SLC28A3: variants seen among roughly 807,000 people sequenced by gnomAD.
SLC28A3 encodes the protein concentrative Na(+)-nucleoside cotransporter 3.
A neutral mutation model predicts 84.2 loss-of-function variants in SLC28A3; 68 were observed. That is an observed-to-expected ratio of 0.81 (90% confidence interval 0.66 to 0.99). SLC28A3 has a LOEUF of 0.99. Among genes scored for constraint, SLC28A3 ranks in the 50% least tolerant of loss-of-function variants. SLC28A3 has a pLI of 0.00. For missense variants in SLC28A3, 712 were observed against 841.5 expected (o/e 0.85, Z 1.90); for synonymous variants, 267 against 303.6 (o/e 0.88, Z 1.25).
At chr9:84,292,443 CTG>C (rs71954586) in intron 10 of SLC28A3, among the ~76,000 whole-genome samples, 15,639 of 150,422 alleles carry the variant, frequency 0.1, 905 homozygotes, top group African/African-American at 0.16. Flanking sequence ...GAATTTCTCT[CTG>C]TGTCTCTCTG....
chr9:84,278,910 A>G (rs543142754), intron 17 of SLC28A3, among the ~76,000 whole-genome samples: 1 of 151,800 alleles, frequency 6.6e-6, no homozygotes, highest in East Asian at 1.9e-4. Context: ...TGCCCAACTT[A>G]TACAGTAGTT....
At chr9:84,314,129 A>G (rs1241028817) in intron 1 of SLC28A3, among the ~76,000 whole-genome samples, 1 of 152,018 alleles carries the variant, frequency 6.6e-6, no homozygotes, top group East Asian at 1.9e-4. Flanking sequence ...TTATTCTTAG[A>G]TGTTAGATTT....
chr9:84,360,089 C>T, the SLC28A3 span, among the ~76,000 whole-genome samples: 2 of 151,196 alleles, frequency 1.3e-5, no homozygotes, highest in African/African-American at 2.4e-5. Context: ...TGGGAAGGAA[C>T]CTTGAACCTG....
chr9:84,366,108 A>G, the SLC28A3 span, among the ~76,000 whole-genome samples: 10 of 151,946 alleles, frequency 6.6e-5, no homozygotes, highest in Non-Finnish European at 1.0e-4. Flanking sequence ...CTGTAAACTG[A>G]CTGTATTTTC....
chr9:84,355,973 C>T, the SLC28A3 span, among the ~76,000 whole-genome samples: 1 of 151,988 alleles, frequency 6.6e-6, no homozygotes, highest in Non-Finnish European at 1.5e-5. Context: ...CCCCACCACA[C>T]CCAGCTAATT....
chr9:84,278,489 C>T (rs1230203082), intron 17 of SLC28A3, 145 bp from the exon 18 acceptor site: 2 of 1,032,912 alleles, frequency 1.9e-6, no homozygotes, highest in Non-Finnish European at 1.4e-6. Flanking sequence ...AGGACAGAGA[C>T]ACTGGGGAAT....
At chr9:84,331,657 A>T (rs566432140) in intron 1 of SLC28A3, among the ~76,000 whole-genome samples, 11 of 152,310 alleles carry the variant, frequency 7.2e-5, no homozygotes, top group African/African-American at 2.4e-4. Flanking sequence ...ACTTCAGAGC[A>T]AGCTTGGGTT....
intron 8 of SLC28A3, among the ~76,000 whole-genome samples, chr9:84,295,312 C>T (rs1463187111): frequency 1.3e-5 from 2 of 152,152 alleles, no homozygotes; most frequent in South Asian, 2.1e-4. Context: ...CAGCTGGGCT[C>T]GGTGGCTCAC....
chr9:84,354,324 AG>A, the SLC28A3 span, among the ~76,000 whole-genome samples: 1 of 152,244 alleles, frequency 6.6e-6, no homozygotes, highest in South Asian at 2.1e-4. Context: ...GGCAATGCAG[AG>A]GGTAGGTATC....
At chr9:84,303,151 T>C (rs1455071041) in intron 4 of SLC28A3, among the ~76,000 whole-genome samples, 1 of 152,162 alleles carries the variant, frequency 6.6e-6, no homozygotes, top group African/African-American at 2.4e-5. Context: ...CATGACAGGA[T>C]GGGAGGTCAG....
At chr9:84,367,464 A>G in the SLC28A3 span, among the ~76,000 whole-genome samples, 5 of 152,278 alleles carry the variant, frequency 3.3e-5, no homozygotes, top group Middle Eastern at 3.4e-3. Context: ...CTGCCCCTCC[A>G]CACCTGTGGG....
At chr9:84,328,453 T>C (rs888551227) in intron 1 of SLC28A3, among the ~76,000 whole-genome samples, 4 of 151,730 alleles carry the variant, frequency 2.6e-5, no homozygotes, top group African/African-American at 9.7e-5. Context: ...TGAAACCCTA[T>C]CTCTATAAGA....
chr9:84,355,176 A>G, the SLC28A3 span, among the ~76,000 whole-genome samples: 1 of 152,062 alleles, frequency 6.6e-6, no homozygotes, highest in African/African-American at 2.4e-5. Flanking sequence ...CCACAGGGGA[A>G]ACAGTAAAAC....
the SLC28A3 span, among the ~76,000 whole-genome samples, chr9:84,348,667 G>A: frequency 2.6e-5 from 4 of 152,180 alleles, no homozygotes; most frequent in Non-Finnish European, 5.9e-5. Context: ...ATCTTTAAGA[G>A]GTGATTAGGT....
At chr9:84,331,483 A>G (rs150740220) in intron 1 of SLC28A3, among the ~76,000 whole-genome samples, 7 of 152,308 alleles carry the variant, frequency 4.6e-5, no homozygotes, top group African/African-American at 9.6e-5. Context: ...TTACACTTAC[A>G]TGATCTCCCA....
chr9:84,317,516 C>T (rs1826215252), intron 1 of SLC28A3, among the ~76,000 whole-genome samples: 1 of 152,134 alleles, frequency 6.6e-6, no homozygotes, highest in South Asian at 2.1e-4. Context: ...GCTGGTTTGA[C>T]ATTCTTCAGC....
upstream of SLC28A3, among the ~76,000 whole-genome samples, chr9:84,345,669 TCCAACTGTACCTG>T (rs1220692058): frequency 6.6e-6 from 1 of 152,160 alleles, no homozygotes; most frequent in Non-Finnish European, 1.5e-5. Context: ...TCATCCATTC[TCCAACTGTACCTG>T]CCAGCAGGAA....
chr9:84,327,462 C>A (rs190377439), intron 1 of SLC28A3, among the ~76,000 whole-genome samples: 1 of 151,998 alleles, frequency 6.6e-6, no homozygotes. Flanking sequence ...CTTAAATTAT[C>A]CTAGTTCTGT....
At chr9:84,324,460 G>A (rs1210835859) in intron 1 of SLC28A3, among the ~76,000 whole-genome samples, 6 of 152,106 alleles carry the variant, frequency 3.9e-5, no homozygotes, top group South Asian at 2.1e-4. Flanking sequence ...CCTGGGTAAC[G>A]TGGTGAGACC....
Sources: allele counts gnomAD v4.1 joint callset (sites outside exome capture counted in the v4.1 genomes callset), GRCh38; gene constraint gnomAD v4.1.1; transcripts MANE v1.5; gene names NCBI Gene and HGNC (gene_info 2026-07-23, HGNC 2026-07-21).